Variants in PALLD observed in about 807,000 individuals in gnomAD.
The protein encoded by PALLD is palladin, cytoskeletal associated protein, also known as palladin.
PALLD carries 61 observed loss-of-function variants against 123.5 expected under a neutral mutation model. That is an observed-to-expected ratio of 0.49 (90% CI 0.40 to 0.61). The LOEUF is 0.61. PALLD is among the 20% of genes least tolerant of loss of function. The probability of loss-of-function intolerance (pLI) is 0.00; values close to 1 mark genes in which losing one functional copy is unlikely to be tolerated. For synonymous variants in PALLD, 465 were observed against 496.4 expected (o/e 0.94, Z 0.84); for missense variants, 1,273 against 1,377.0 (o/e 0.92, Z 1.20).
chr4:168,524,587 T>C (rs1763870751), intron 2 of PALLD, among the ~76,000 whole-genome samples: 2 of 152,140 alleles, frequency 1.3e-5, no homozygotes, highest in African/African-American at 4.8e-5. Context: ...CCTAGAGCAT[T>C]AACGAATCTG....
At chr4:168,693,000 G>A (rs931491622) in intron 8 of PALLD, among the ~76,000 whole-genome samples, 4 of 152,176 alleles carry the variant, frequency 2.6e-5, no homozygotes, top group Non-Finnish European at 5.9e-5. Flanking sequence ...TGCTAGCTAA[G>A]GAAGAATAAA....
intron 2 of PALLD, among the ~76,000 whole-genome samples, chr4:168,523,931 T>C (rs1042724526): frequency 6.6e-6 from 1 of 152,226 alleles, no homozygotes; most frequent in African/African-American, 2.4e-5. Flanking sequence ...ACGAAAGTTA[T>C]TGTCATTCTC....
Position 168,804,971 on chromosome 4 carries a change from C to T in PALLD, c.1965-85951C>T, listed in dbSNP as rs183599781. On this transcript the variant is annotated intron_variant, in intron 10 of 21. Transcript: ENST00000505667. ...GTCAGGAGTTCAAGACCAGCCTGGC[C>T]AACATGGTGAAACCCCATCTCTACT... 2.6e-3 allele frequency among the ~76,000 whole-genome samples: 398 copies of T among 151,966 alleles called. 1 individual carries two copies. The highest frequency in any genetic ancestry group is 4.1e-3 in the Non-Finnish European group (282 of 67,970).
intron 10 of PALLD, among the ~76,000 whole-genome samples, chr4:168,731,814 C>T (rs937437942): frequency 6.6e-6 from 1 of 152,180 alleles, no homozygotes; most frequent in African/African-American, 2.4e-5. Flanking sequence ...CATATATGAA[C>T]TCTAGTAAGC....
intron 2 of PALLD, among the ~76,000 whole-genome samples, chr4:168,659,000 A>G (rs940263868): frequency 1.3e-5 from 2 of 152,388 alleles, no homozygotes; most frequent in African/African-American, 2.4e-5. Flanking sequence ...CGGTCTGCCT[A>G]TAAGTCCACA....
intron 11 of PALLD, chr4:168,894,169 C>T: frequency 4.9e-6 from 1 of 202,726 alleles, no homozygotes; most frequent in Non-Finnish European, 1.0e-5. Flanking sequence ...TTTGTTTTTT[C>T]TTTCAGTCAG....
intron 2 of PALLD, among the ~76,000 whole-genome samples, chr4:168,637,323 G>C (rs1161355224): frequency 6.6e-6 from 1 of 152,178 alleles, no homozygotes; most frequent in South Asian, 2.1e-4. Context: ...TGGTGTACCA[G>C]TTAGTGTCTA....
At chr4:168,612,089 G>T (rs1374241264) in intron 2 of PALLD, among the ~76,000 whole-genome samples, 1 of 152,158 alleles carries the variant, frequency 6.6e-6, no homozygotes, top group East Asian at 1.9e-4. Flanking sequence ...GAGCCCGAGA[G>T]GTTGAGGCTG....
intron 10 of PALLD, among the ~76,000 whole-genome samples, chr4:168,815,686 G>A (rs149004632): frequency 6.6e-6 from 1 of 152,302 alleles, no homozygotes; most frequent in Non-Finnish European, 1.5e-5. Context: ...TGGTTGGAGC[G>A]GATAGCCCAA....
At chr4:168,782,125 A>G (rs1004485686) in intron 10 of PALLD, among the ~76,000 whole-genome samples, 6 of 152,160 alleles carry the variant, frequency 3.9e-5, no homozygotes, top group African/African-American at 1.4e-4. Context: ...ACTGCTACCA[A>G]TGCCTGAAAC....
At chr4:168,734,474 G>A (rs1787528893) in intron 10 of PALLD, among the ~76,000 whole-genome samples, 1 of 152,056 alleles carries the variant, frequency 6.6e-6, no homozygotes, top group Non-Finnish European at 1.5e-5. Flanking sequence ...TGGAGGAATG[G>A]TGCAGCTCGA....
At chr4:168,905,026 T>C (rs1248115276) in intron 15 of PALLD, among the ~76,000 whole-genome samples, 4 of 151,866 alleles carry the variant, frequency 2.6e-5, no homozygotes, top group African/African-American at 9.7e-5. Context: ...ACTCAGGAGG[T>C]TGAAGCATGA....
intron 2 of PALLD, among the ~76,000 whole-genome samples, chr4:168,555,910 A>C (rs1767235709): frequency 6.6e-6 from 1 of 152,184 alleles, no homozygotes; most frequent in African/African-American, 2.4e-5. Context: ...GCTCAGATGC[A>C]AATTAACTCT....
intron 2 of PALLD, among the ~76,000 whole-genome samples, chr4:168,590,972 C>A (rs187506693): frequency 1.4e-5 from 2 of 142,282 alleles, no homozygotes; most frequent in African/African-American, 2.7e-5. Flanking sequence ...CTCCTCCCCC[C>A]AGGTTCAAGC....
chr4:168,848,352 G>A (rs979343937), intron 10 of PALLD, among the ~76,000 whole-genome samples: 1 of 152,164 alleles, frequency 6.6e-6, no homozygotes, highest in African/African-American at 2.4e-5. Flanking sequence ...GGTACTGATC[G>A]TTGTTGTCAG....
chr4:168,814,636 G>A (rs1268864142), intron 10 of PALLD, among the ~76,000 whole-genome samples: 1 of 152,208 alleles, frequency 6.6e-6, no homozygotes, highest in Non-Finnish European at 1.5e-5. Context: ...CTAGGTTCTT[G>A]ATTCCAACAG....
intron 10 of PALLD, among the ~76,000 whole-genome samples, chr4:168,811,287 C>G (rs971791423): frequency 5.3e-5 from 8 of 152,282 alleles, no homozygotes; most frequent in Admixed American, 3.9e-4. Context: ...TGCCGTCATA[C>G]CTGTGTTCCC....
At chr4:168,730,161 TAATAA>T (rs1057285163) in intron 10 of PALLD, among the ~76,000 whole-genome samples, 7 of 152,220 alleles carry the variant, frequency 4.6e-5, no homozygotes, top group Non-Finnish European at 1.0e-4. Flanking sequence ...ATTATTACAT[TAATAA>T]AACTCCTAAT....
chr4:168,624,669 A>T (rs1212396122), intron 2 of PALLD, among the ~76,000 whole-genome samples: 1 of 152,232 alleles, frequency 6.6e-6, no homozygotes, highest in East Asian at 1.9e-4. Context: ...TTTTTAGATT[A>T]CATTATATAG....
Sources: allele counts gnomAD v4.1 joint callset (sites outside exome capture counted in the v4.1 genomes callset), GRCh38; gene constraint gnomAD v4.1.1; transcripts MANE v1.5; gene names NCBI Gene and HGNC (gene_info 2026-07-23, HGNC 2026-07-21).